The following ROBO2 variants were observed in gnomAD, a reference collection of about 807,000 sequenced individuals.
ROBO2 encodes the protein roundabout guidance receptor 2.
In ROBO2, 53 loss-of-function variants were observed where a neutral mutation model predicts 160.8. That is an observed-to-expected ratio of 0.33 (90% confidence interval 0.26 to 0.41). The LOEUF is 0.41. Ranked by LOEUF, ROBO2 falls within the 10% of genes least tolerant of loss-of-function variation. ROBO2 has a pLI of 1.00. For missense variants in ROBO2, 1,577 were observed against 1,722.4 expected (o/e 0.92, Z 1.49); for synonymous variants, 664 against 611.7 (o/e 1.09, Z -1.26).
chr3:77,296,127 C>A (rs1043110151), intron 2 of ROBO2, among the ~76,000 whole-genome samples: 3 of 151,104 alleles, frequency 2.0e-5, no homozygotes, highest in African/African-American at 7.3e-5. Flanking sequence ...GAGTCTAGAT[C>A]ACCCCAGATG....
Position 77,551,008 on chromosome 3 carries a change from A to T in ROBO2, c.1231+19A>T. The T allele has an allele frequency of 6.2e-7, 1 of 1,611,548 alleles. No homozygotes were observed. The highest frequency in any genetic ancestry group is 1.1e-5 in the South Asian group (1 of 91,044). On this transcript the variant is annotated intron_variant, in intron 8 of 25. Coordinates refer to ENST00000461745, the Ensembl canonical transcript of ROBO2. Reference sequence around the variant, plus strand: ...ACTGATGGTGCGATATCTTTACTAGATTTGTCTTATGAAAACATTGATTTT... The same window carrying T: ...ACTGATGGTGCGATATCTTTACTAGTTTTGTCTTATGAAAACATTGATTTT...
At chr3:75,936,686 C>T (rs2107002346) in intron 1 of ROBO2, among the ~76,000 whole-genome samples, 1 of 152,140 alleles carries the variant, frequency 6.6e-6, no homozygotes. Context: ...CATATTAGTA[C>T]ATGCAACTCA....
At chr3:76,042,663 AC>A (rs371000871) in intron 2 of ROBO2, among the ~76,000 whole-genome samples, 1 of 152,128 alleles carries the variant, frequency 6.6e-6, no homozygotes, top group East Asian at 1.9e-4. Context: ...CCAAAACCAG[AC>A]CCAAAACCAG....
chr3:77,358,407 C>T (rs577371389), intron 2 of ROBO2, among the ~76,000 whole-genome samples: 1 of 152,216 alleles, frequency 6.6e-6, no homozygotes, highest in African/African-American at 2.4e-5. Flanking sequence ...ATCATCATAA[C>T]TAATTTTATC....
chr3:77,043,332 G>A (rs928368314), intron 1 of ROBO2, among the ~76,000 whole-genome samples: 1 of 152,132 alleles, frequency 6.6e-6, no homozygotes, highest in African/African-American at 2.4e-5. Flanking sequence ...GCTAGACACA[G>A]ATATTAATTT....
intron 2 of ROBO2, among the ~76,000 whole-genome samples, chr3:76,272,972 A>C (rs1271064164): frequency 1.7e-5 from 1 of 59,442 alleles, no homozygotes; most frequent in African/African-American, 5.5e-5. Flanking sequence ...TTATATATAA[A>C]ATATATATAA....
chr3:76,884,992 C>T (rs1247320433), intron 2 of ROBO2, among the ~76,000 whole-genome samples: 1 of 152,044 alleles, frequency 6.6e-6, no homozygotes, highest in Non-Finnish European at 1.5e-5. Flanking sequence ...GAATCAGACA[C>T]CTGATTCAAC....
At chr3:77,398,106 T>A (rs974776820) in intron 2 of ROBO2, among the ~76,000 whole-genome samples, 1 of 152,174 alleles carries the variant, frequency 6.6e-6, no homozygotes, top group Non-Finnish European at 1.5e-5. Context: ...AATACACTAA[T>A]ATTCACTACA....
At chr3:77,531,608 A>G (rs991119086) in intron 6 of ROBO2, among the ~76,000 whole-genome samples, 28 of 152,136 alleles carry the variant, frequency 1.8e-4, no homozygotes, top group African/African-American at 6.5e-4. Context: ...TACTTGAAGA[A>G]TAATGTAACA....
In ROBO2 at chr3:76,124,071, T is replaced by TA. The variant is rs557776492; in HGVS notation, c.109+186476dup. Among the ~76,000 whole-genome samples, 345 of 151,296 alleles carry TA rather than the reference T, an allele frequency of 2.3e-3. 4 individuals are homozygous for TA. Among genetic ancestry groups the TA allele is most frequent in the Admixed American group, 4.2e-3 (64 of 15,122 alleles). On this transcript the variant is annotated intron_variant, in intron 2 of 26. Coordinates refer to the ROBO2 transcript ENST00000487694. ...TTAAAAATAATGAGTTTTTTTGTTTTAAAAAAACACTAGTATTGATGTCAA... is the reference window on the plus strand; with the variant it reads ...TTAAAAATAATGAGTTTTTTTGTTTTAAAAAAAACACTAGTATTGATGTCAA...
chr3:77,095,438 C>T (rs972382158), intron 1 of ROBO2, among the ~76,000 whole-genome samples: 28 of 151,332 alleles, frequency 1.9e-4, no homozygotes, highest in African/African-American at 6.4e-4. Context: ...AGCCCTTATC[C>T]AGGCCTACTG....
intron 2 of ROBO2, among the ~76,000 whole-genome samples, chr3:76,366,892 G>C (rs1576700660): frequency 6.6e-6 from 1 of 151,876 alleles, no homozygotes; most frequent in South Asian, 2.1e-4. Flanking sequence ...TTTTTTCATT[G>C]CATTCCAAGC....
intron 2 of ROBO2, among the ~76,000 whole-genome samples, chr3:75,986,681 A>G (rs1213807998): frequency 6.6e-6 from 1 of 151,248 alleles, no homozygotes; most frequent in Non-Finnish European, 1.5e-5. Flanking sequence ...TATTTTTTGT[A>G]TTACATTTAG....
At chr3:76,668,842 G>A (rs565906787) in intron 2 of ROBO2, among the ~76,000 whole-genome samples, 2 of 152,218 alleles carry the variant, frequency 1.3e-5, no homozygotes, top group East Asian at 3.9e-4. Context: ...AACTGAAAGT[G>A]TAATTTGAGA....
Position 77,395,315 on chromosome 3 carries a change from T to G in ROBO2, c.389-82099T>G, listed in dbSNP as rs375484895. Among the ~76,000 whole-genome samples the G allele has an allele frequency of 5.3e-5, 8 of 152,284 alleles. No homozygotes were observed. In the East Asian group the frequency reaches 1.5e-3, roughly 29 times the overall value. ...TTGAATAACTGCTTACTTTTCCGCT[T>G]TCCCGGAGGGGTGGGGGAACAGCAG... is the stretch of plus-strand genomic sequence containing the variant. On this transcript the variant is annotated intron_variant, in intron 2 of 25. Coordinates refer to ENST00000461745, the Ensembl canonical transcript of ROBO2.
chr3:76,769,418 T>C (rs1035059652), intron 2 of ROBO2, among the ~76,000 whole-genome samples: 1 of 151,298 alleles, frequency 6.6e-6, no homozygotes, highest in African/African-American at 2.4e-5. Context: ...AACAGAGAAG[T>C]AGGTTAACTT....
At chr3:76,415,635 T>G (rs2075724466) in intron 2 of ROBO2, among the ~76,000 whole-genome samples, 1 of 152,184 alleles carries the variant, frequency 6.6e-6, no homozygotes, top group Admixed American at 6.5e-5. Context: ...CAGTGTAAAC[T>G]TTGAAAATGG....
chr3:76,799,170 C>T (rs187594937), intron 2 of ROBO2, among the ~76,000 whole-genome samples: 60 of 150,778 alleles, frequency 4.0e-4, no homozygotes, highest in Admixed American at 2.6e-3. Flanking sequence ...GCCGAGATGG[C>T]GCCACTGCAC....
chr3:76,656,493 T>A (rs2091529742), intron 2 of ROBO2, among the ~76,000 whole-genome samples: 1 of 152,112 alleles, frequency 6.6e-6, no homozygotes, highest in Admixed American at 6.5e-5. Context: ...CATAAAGATC[T>A]GTTAAAACTG....
Sources: gnomAD v4.1 joint callset for allele counts (sites outside exome capture counted in the v4.1 genomes callset) on GRCh38, gnomAD v4.1.1 for gene constraint, MANE v1.5 for transcripts, NCBI Gene and HGNC (gene_info 2026-07-23, HGNC 2026-07-21) for gene names.